Variants in CFAP74 observed in about 807,000 individuals in gnomAD.
The protein encoded by CFAP74 is cilia and flagella associated protein 74.
Under a neutral mutation model 188.9 loss-of-function variants are expected in CFAP74, and 124 were observed. The observed-to-expected ratio is 0.66, with a 90% CI of 0.57 to 0.76. The LOEUF (loss-of-function observed/expected upper bound fraction) is 0.76. CFAP74 is among the 30% of genes least tolerant of loss of function. The pLI, the probability that CFAP74 is intolerant of heterozygous loss-of-function variation, is 0.00. For synonymous variants in CFAP74, 956 were observed against 916.7 expected, an observed-to-expected ratio of 1.04 and a Z score of -0.77; for missense variants, 2,198 against 2,165.2, an observed-to-expected ratio of 1.02 and a Z score of -0.30.
rs1387058495 is a variant in CFAP74 at position 1,973,314 on chromosome 1, G to A, written c.675-267C>T. On this transcript the variant is annotated intron_variant, in intron 7 of 38. Coordinates refer to ENST00000682832, the MANE Select transcript of CFAP74 (RefSeq NM_001304360.2). This position sits in a 1 kb window ranked among gnomAD's most constrained non-coding sequence, Gnocchi z 6.2. ...TTTGATCCCAGCTGGGCAGGGGTCT[G>A]GGAAGAGGACGGTGCAGGCACAGCA... is the stretch of plus-strand genomic sequence containing the variant. 1.3e-5 allele frequency among the ~76,000 whole-genome samples: 2 copies of A among 152,216 alleles called. No homozygotes were observed. Among genetic ancestry groups the A allele is most frequent in the African/African-American group, 2.4e-5 (1 of 41,456 alleles).
At chr1:1,988,469 G>C (rs1229127648) in intron 4 of CFAP74, 43 bp downstream of exon 4, 4 of 1,602,902 alleles carry the variant, frequency 2.5e-6, no homozygotes, top group Non-Finnish European at 2.5e-6. Context: ...CGGCCTGGGG[G>C]GCATCAAGAG....
intron 1 of CFAP74, among the ~76,000 whole-genome samples, chr1:2,001,644 G>T (rs1163107552): frequency 7.9e-5 from 12 of 152,068 alleles, no homozygotes; most frequent in Admixed American, 7.9e-4. Flanking sequence ...TGTTAATTAC[G>T]AAGGAAAAAA....
intron 21 of CFAP74, 90 bp downstream of exon 21, chr1:1,944,240 CA>C: frequency 6.7e-7 from 1 of 1,483,652 alleles, no homozygotes; most frequent in Non-Finnish European, 9.0e-7. Context: ...TGTGCGTGGA[CA>C]GGAGGGGGCT....
intron 37 of CFAP74, 42 bp downstream of exon 37, chr1:1,922,943 G>A (rs1253648716): frequency 4.6e-6 from 7 of 1,534,388 alleles, no homozygotes; most frequent in African/African-American, 1.4e-5. Flanking sequence ...AGGGGAGGCC[G>A]AGGGGGCTGC....
At chr1:1,947,876 CTTT>C (rs984163729) in intron 18 of CFAP74, among the ~76,000 whole-genome samples, 3 of 149,642 alleles carry the variant, frequency 2.0e-5, no homozygotes, top group African/African-American at 7.4e-5. Flanking sequence ...GACCCCTGTT[CTTT>C]TTTTTTTCTT....
intron 19 of CFAP74, 115 bp downstream of exon 19, chr1:1,946,875 A>T: frequency 1.2e-6 from 1 of 811,322 alleles, no homozygotes; most frequent in Non-Finnish European, 2.0e-6. Context: ...GTCTCTGGTC[A>T]AACGCAAGGG....
In CFAP74 at chr1:1,923,273, C is replaced by T. The variant is rs542650054; in HGVS notation, c.4522+94G>A. 9 of 1,497,936 alleles carry T rather than the reference C, an allele frequency of 6.0e-6. No individual in the cohort carries two copies. In the African/African-American group the frequency reaches 1.1e-4, roughly 19 times the overall value. The allele number at this position is 1,497,936 out of a possible 1,614,324, so 92.8% of individuals were successfully genotyped here. ...GGCTCTGGGGTAGAAGGCTGGGAAT[C>T]CCTGCCCTGCTCCGCTGGGTCTCGG... is the stretch of plus-strand genomic sequence containing the variant. On this transcript the variant is annotated intron_variant, in intron 36 of 38. Transcript: ENST00000682832. This position sits in a 1 kb window ranked among gnomAD's most constrained non-coding sequence, Gnocchi z 6.3.
At chr1:1,988,801 G>GC (rs1414295675) in intron 3 of CFAP74, 88 bp downstream of exon 3, 15 of 1,010,656 alleles carry the variant, frequency 1.5e-5, no homozygotes, top group Non-Finnish European at 2.2e-5. Context: ...GGAGGAAGCA[G>GC]CCGCCCCGCT....
intron 21 of CFAP74, among the ~76,000 whole-genome samples, chr1:1,943,142 A>G (rs2803329): frequency 0.84 from 127,972 of 152,142 alleles, 54,099 homozygotes; most frequent in African/African-American, 0.92. Context: ...ATGAGCACAC[A>G]GCTACACTGA....
In CFAP74 at chr1:1,974,116, C is replaced by T. The variant is rs748928183; in HGVS notation, c.583G>A (p.Gly195Arg). ...GCTGCGCGCACCTGGAGCCGCCGCC[C>T]CGTGGCCTCCACCTCCTCACGGTCA... is the stretch of plus-strand genomic sequence containing the variant. Reference protein sequence around the residue: ...TADREEVEATGRRLQVRAAEQ... With the variant: ...TADREEVEATRRRLQVRAAEQ... Residue 195 changes from glycine (G) to arginine (R), a missense_variant, in exon 7 of 39, where the codon GGG (glycine) becomes AGG (arginine). Coordinates refer to ENST00000682832, the MANE Select transcript of CFAP74 (RefSeq NM_001304360.2). 6 of 1,612,662 alleles carry T rather than the reference C, an allele frequency of 3.7e-6. No homozygotes were observed. The East Asian group carries it at 1.1e-4, about 30-fold the overall frequency.
At chr1:1,941,197 C>T (rs909333820) in intron 22 of CFAP74, among the ~76,000 whole-genome samples, 21 of 152,252 alleles carry the variant, frequency 1.4e-4, no homozygotes, top group East Asian at 1.2e-3. Flanking sequence ...AGGCGGCCGG[C>T]GGGGGCAAGT....
rs1179483749 is a variant in CFAP74 at position 1,926,284 on chromosome 1, G to T, written c.3892C>A (p.Arg1298Ser). ...FVLLNHSSLL[R>S]AGGTQVLVLS... ...ACCAGGACCTGGGTCCCACCTGCAC[G>T]CAGCAGGCTGGAGTGGTTCAGCAGG... is the stretch of plus-strand genomic sequence containing the variant. Residue 1298 changes from arginine to serine, a missense_variant, in exon 32 of 39, where the codon CGT (arginine) becomes AGT (serine). Coordinates refer to ENST00000682832, the MANE Select transcript of CFAP74 (RefSeq NM_001304360.2). 1.9e-6 allele frequency: 3 copies of T among 1,543,536 alleles called. No homozygotes were observed. The highest frequency in any genetic ancestry group is 2.6e-6 in the Non-Finnish European group (3 of 1,142,926).
intron 33 of CFAP74, among the ~76,000 whole-genome samples, chr1:1,925,117 C>T (rs1203649038): frequency 4.0e-5 from 6 of 150,056 alleles, no homozygotes; most frequent in East Asian, 4.0e-4. Context: ...TGAGGGCACA[C>T]GCTGGTGCGA....
chr1:1,970,547 GC>G (rs1655877826), intron 10 of CFAP74, 111 bp downstream of exon 10: 2 of 1,232,592 alleles, frequency 1.6e-6, no homozygotes, highest in Admixed American at 5.2e-5. Context: ...CTGAGTGGGC[GC>G]CCTGGGAGAG....
chr1:1,925,047 C>T (rs1462528137), intron 33 of CFAP74, among the ~76,000 whole-genome samples: 77 of 130,792 alleles, frequency 5.9e-4, no homozygotes, highest in African/African-American at 8.7e-4. Flanking sequence ...CACACTGGTC[C>T]AAAGGCATGA....
rs1259031540 is a variant in CFAP74 at position 1,942,935 on chromosome 1, G to A, written c.2487-779C>T. On this transcript the variant is annotated intron_variant, in intron 21 of 38. Coordinates refer to ENST00000682832, the MANE Select transcript of CFAP74 (RefSeq NM_001304360.2). The surrounding 1 kb of genome is among the most constrained non-coding windows in gnomAD (Gnocchi z 4.3). ...CCCATGCTGTGGCAGCCTCATCTCCGTCCATCACAGACCTGCCTCTGACCT... is the reference window on the plus strand; with the variant it reads ...CCCATGCTGTGGCAGCCTCATCTCCATCCATCACAGACCTGCCTCTGACCT... 1.3e-5 allele frequency among the ~76,000 whole-genome samples: 2 copies of A among 152,154 alleles called. No homozygotes were observed. The highest frequency in any genetic ancestry group is 2.9e-5 in the Non-Finnish European group (2 of 68,022).
rs546164223 is a variant in CFAP74, at chr1:1,928,892, G to A, written c.3289-10C>T. ...CCTGGACCAGGCACCTCTGAGGAGAGACCAGCGTGGGCACAGGGGTTGCCA... is the reference window on the plus strand; with the variant it reads ...CCTGGACCAGGCACCTCTGAGGAGAAACCAGCGTGGGCACAGGGGTTGCCA... On this transcript the variant is annotated splice_polypyrimidine_tract_variant and intron_variant, in intron 26 of 38. Transcript: ENST00000682832. The A allele has an allele frequency of 7.8e-6, 12 of 1,529,370 alleles. No homozygotes were observed. Among genetic ancestry groups the A allele is most frequent in the Non-Finnish European group, 1.1e-5 (12 of 1,141,218 alleles). 94.7% of individuals were successfully genotyped at this position (1,529,370 alleles called of 1,614,324 possible).
rs1276528406 is a variant in CFAP74, at chr1:1,957,534, G to A, written c.1852-750C>T. ...AGTCCCCAGCCTGGACGCTCCCCTG[G>A]GAGAAGCAAGCCCCTGCTCAGGGGA... On this transcript the variant is annotated intron_variant, in intron 16 of 38. Coordinates refer to ENST00000682832, the MANE Select transcript of CFAP74 (RefSeq NM_001304360.2). Among the ~76,000 whole-genome samples the A allele has an allele frequency of 2.0e-5, 3 of 152,134 alleles. 1 individual carries two copies. Among genetic ancestry groups the A allele is most frequent in the African/African-American group, 7.2e-5 (3 of 41,430 alleles).
At chr1:1,959,024 G>C in intron 16 of CFAP74, 96 bp downstream of exon 16, 32 of 767,682 alleles carry the variant, frequency 4.2e-5, no homozygotes, top group South Asian at 1.6e-4. Flanking sequence ...TGGTCCCCCC[G>C]CCAACCTGCA....
Sources: allele counts gnomAD v4.1 joint callset (sites outside exome capture counted in the v4.1 genomes callset), GRCh38; gene constraint gnomAD v4.1.1; non-coding constraint Gnocchi (gnomAD v3.1); transcripts MANE v1.5; gene names NCBI Gene and HGNC (gene_info 2026-07-23, HGNC 2026-07-21).